RBFOX1: variants seen among roughly 807,000 people sequenced by gnomAD.
RBFOX1 encodes the protein RNA binding protein fox-1 homolog 1.
Under a neutral mutation model 57.7 loss-of-function variants are expected in RBFOX1, and 8 were observed. The observed-to-expected ratio is 0.14, with a 90% CI of 0.08 to 0.25. The LOEUF (loss-of-function observed/expected upper bound fraction) is 0.25, where lower values mean the gene tolerates loss of function less well. Ranked by LOEUF, RBFOX1 falls within the 10% of genes least tolerant of loss-of-function variation. The pLI is 1.00. For synonymous variants in RBFOX1, 326 were observed against 222.4 expected, an observed-to-expected ratio of 1.47 and a Z score of -4.15; for missense variants, 611 against 548.5, an observed-to-expected ratio of 1.11 and a Z score of -1.14.
At chr16:6,453,899 A>G (rs1007422018) in intron 2 of RBFOX1, among the ~76,000 whole-genome samples, 5 of 152,362 alleles carry the variant, frequency 3.3e-5, no homozygotes, top group Non-Finnish European at 5.9e-5. Flanking sequence ...GTAAAATGCC[A>G]CAGACTGTTT....
At chr16:6,782,048 C>A (rs936260148) in intron 3 of RBFOX1, among the ~76,000 whole-genome samples, 1 of 152,132 alleles carries the variant, frequency 6.6e-6, no homozygotes, top group Non-Finnish European at 1.5e-5. Flanking sequence ...TGCTCTGTCA[C>A]TGGGCTGGAG....
At chr16:5,958,340 G>T (rs1414626294) in intron 4 of RBFOX1, among the ~76,000 whole-genome samples, 1 of 152,184 alleles carries the variant, frequency 6.6e-6, no homozygotes, top group African/African-American at 2.4e-5. Flanking sequence ...TTTTGCTAAG[G>T]ATGTGGAGAT....
chr16:6,939,665 C>A (rs775933096), intron 3 of RBFOX1, among the ~76,000 whole-genome samples: 52 of 151,892 alleles, frequency 3.4e-4, no homozygotes, highest in Non-Finnish European at 5.1e-4. Context: ...CCGTGTGCTA[C>A]CATACCCAGC....
intron 3 of RBFOX1, among the ~76,000 whole-genome samples, chr16:6,984,374 A>G (rs2089737156): frequency 6.6e-6 from 1 of 152,174 alleles, no homozygotes; most frequent in African/African-American, 2.4e-5. Flanking sequence ...GAAAAAGCCT[A>G]CATCCTACAG....
At chr16:5,542,094 C>G (rs1203437275) in intron 2 of RBFOX1, among the ~76,000 whole-genome samples, 1 of 152,040 alleles carries the variant, frequency 6.6e-6, no homozygotes, top group Non-Finnish European at 1.5e-5. Flanking sequence ...TGATCTTATT[C>G]TAGATTTATG....
rs141888940 is a variant in RBFOX1, at chr16:6,871,850, C to T, written c.-15-180207C>T. ...GCAGTTGCTGCTTAGCCTATCGTGT[C>T]CTAAATCCGCATCTGATGGCACTTT... On this transcript the variant is annotated intron_variant, in intron 3 of 15. Coordinates refer to ENST00000550418, the MANE Select transcript of RBFOX1 (RefSeq NM_018723.4). Among the ~76,000 whole-genome samples, 484 of 151,510 alleles carry T rather than the reference C, an allele frequency of 3.2e-3. 3 individuals are homozygous for T. The highest frequency in any genetic ancestry group is 0.011 in the African/African-American group (447 of 41,240).
chr16:5,426,715 C>G (rs2067572247), intron 1 of RBFOX1, among the ~76,000 whole-genome samples: 1 of 152,192 alleles, frequency 6.6e-6, no homozygotes, highest in Non-Finnish European at 1.5e-5. Flanking sequence ...TCTGTTATCG[C>G]TCCAGGGAAG....
chr16:7,393,576 G>A (rs1022934033), intron 4 of RBFOX1, among the ~76,000 whole-genome samples: 3 of 152,132 alleles, frequency 2.0e-5, no homozygotes, highest in African/African-American at 7.2e-5. Flanking sequence ...TGCTATAGGG[G>A]GTGGTGGTAA....
rs200006523 is a variant in RBFOX1 at position 7,653,936 on chromosome 16, G to C, written c.879G>C (p.Pro293=). 319 of 1,532,072 alleles carry C rather than the reference G, an allele frequency of 2.1e-4. 4 individuals are homozygous for C. The South Asian group carries it at 3.7e-3, about 18-fold the overall frequency. The allele number at this position is 1,532,072 out of a possible 1,614,324, so 94.9% of individuals were successfully genotyped here. ...FRAAAPPPPI[P]AYGGVVYQDG... is the part of the protein sequence containing the mutation. ...CCGCGGCGCCCCCGCCCCCGATCCC[G>C]GCCTACGGCGGGTAAGTGGGGCAGC... The change falls in exon 12 of 16, where the codon CCG becomes CCC. Residue 293 remains proline, a synonymous_variant. Transcript: ENST00000550418.
chr16:6,799,615 G>C (rs376590283), intron 3 of RBFOX1, among the ~76,000 whole-genome samples: 3 of 152,114 alleles, frequency 2.0e-5, no homozygotes, highest in African/African-American at 7.2e-5. Context: ...CCCTCAATCT[G>C]TGTTGGCACC....
intron 3 of RBFOX1, among the ~76,000 whole-genome samples, chr16:5,801,700 G>A (rs12443576): frequency 0.34 from 52,286 of 152,064 alleles, 10,323 homozygotes; most frequent in South Asian, 0.52. Context: ...GGCACAATGT[G>A]CCTTTGATAG....
intron 2 of RBFOX1, among the ~76,000 whole-genome samples, chr16:5,567,622 T>C (rs2046118471): frequency 8.4e-6 from 1 of 119,204 alleles, no homozygotes; most frequent in African/African-American, 3.1e-5. Context: ...TGGGGGGGTA[T>C]TCAGGTTATA....
chr16:7,067,050 A>G (rs891929259), intron 4 of RBFOX1, among the ~76,000 whole-genome samples: 4 of 152,212 alleles, frequency 2.6e-5, no homozygotes, highest in African/African-American at 7.2e-5. Flanking sequence ...GTAAATAATA[A>G]TAAGTTAAGC....
intron 3 of RBFOX1, among the ~76,000 whole-genome samples, chr16:5,725,166 C>G (rs7191707): frequency 0.077 from 11,732 of 152,196 alleles, 1,216 homozygotes; most frequent in African/African-American, 0.23. Flanking sequence ...GGAGGCTAGG[C>G]TGTTGGTTAA....
intron 5 of RBFOX1, among the ~76,000 whole-genome samples, chr16:7,523,845 G>A (rs895934787): frequency 7.9e-5 from 12 of 152,302 alleles, no homozygotes; most frequent in South Asian, 2.1e-4. Flanking sequence ...CCAGCAGAAC[G>A]TGGTCTATGA....
chr16:7,001,360 G>GTGTGTATGTGTATGTTTA (rs2092772558), intron 3 of RBFOX1, among the ~76,000 whole-genome samples: 1 of 143,476 alleles, frequency 7.0e-6, no homozygotes, highest in African/African-American at 2.7e-5. Context: ...GTGTGTGTTT[G>GTGTGTATGTGTATGTTTA]TGTGTATGTG....
chr16:5,495,216 G>A (rs895812474), intron 2 of RBFOX1, among the ~76,000 whole-genome samples: 1 of 152,180 alleles, frequency 6.6e-6, no homozygotes, highest in Non-Finnish European at 1.5e-5. Context: ...GAAATAGAAA[G>A]AATTAACTTC....
intron 2 of RBFOX1, among the ~76,000 whole-genome samples, chr16:5,509,678 A>G (rs775098973): frequency 1.3e-5 from 2 of 152,194 alleles, no homozygotes; most frequent in African/African-American, 2.4e-5. Context: ...TGGAGCGGCA[A>G]GAGCGGGTGC....
At chr16:5,996,896 G>A (rs1279292071) in intron 4 of RBFOX1, among the ~76,000 whole-genome samples, 3 of 152,114 alleles carry the variant, frequency 2.0e-5, no homozygotes, top group Non-Finnish European at 4.4e-5. Context: ...GCCATTGAAA[G>A]TAAGAGCAAA....
Sources: gnomAD v4.1 joint callset for allele counts (sites outside exome capture counted in the v4.1 genomes callset) on GRCh38, gnomAD v4.1.1 for gene constraint, MANE v1.5 for transcripts, NCBI Gene and HGNC (gene_info 2026-07-23, HGNC 2026-07-21) for gene names.